RPA1: variants seen among roughly 807,000 people sequenced by gnomAD.
RPA1 encodes replication protein A1.
Under a neutral mutation model 83.0 loss-of-function variants are expected in RPA1, and 49 were observed. The observed-to-expected ratio is 0.59, with a 90% CI of 0.47 to 0.75. The LOEUF is 0.75. Ranked by LOEUF, RPA1 falls within the 30% of genes least tolerant of loss-of-function variation. The probability of loss-of-function intolerance (pLI) is 0.00; values close to 1 mark genes in which losing one functional copy is unlikely to be tolerated. For synonymous variants in RPA1, 279 were observed against 281.8 expected (o/e 0.99, Z 0.10); for missense variants, 693 against 776.1 (o/e 0.89, Z 1.27).
chr17:1,859,595 A>G (rs967683077), intron 5 of RPA1, among the ~76,000 whole-genome samples: 8 of 152,108 alleles, frequency 5.3e-5, no homozygotes, highest in Non-Finnish European at 1.2e-4. Flanking sequence ...CTGCTTTGAT[A>G]TTAGCATAGC....
chr17:1,879,530 ACCT>A (rs1365752074), intron 10 of RPA1, 27 bp from the exon 11 acceptor site: 8 of 1,613,776 alleles, frequency 5.0e-6, no homozygotes, highest in African/African-American at 1.3e-5. Flanking sequence ...AGTCTTGACC[ACCT>A]CCTGCTAACA....
In RPA1 at chr17:1,888,895, GGCCCTCCCGTGT is replaced by G. The variant is rs773333044; in HGVS notation, c.1551+48_1551+59del. ...TGAGAACCACGGTTGTGTTCACGGA[GGCCCTCCCGTGT>G]GCCAGGCACTGTGGTCACAACAGTA... On this transcript the variant is annotated intron_variant, in intron 14 of 16. Coordinates refer to ENST00000254719, the MANE Select transcript of RPA1 (RefSeq NM_002945.5). The G allele has an allele frequency of 2.5e-6, 4 of 1,582,032 alleles. No individual in the cohort carries two copies. The African/African-American group carries it at 5.4e-5, about 21-fold the overall frequency.
intron 5 of RPA1, among the ~76,000 whole-genome samples, chr17:1,864,725 G>A (rs887593958): frequency 1.8e-4 from 27 of 151,390 alleles, no homozygotes; most frequent in Non-Finnish European, 1.0e-4. Flanking sequence ...ATGGTGAAAC[G>A]CCGTCTCTAC....
rs1394194110 is a variant in RPA1, at chr17:1,888,782, G to T, written c.1482G>T (p.Gln494His). ...QDCNKKVIDQ[Q>H]NGLYRCEKCD... ...GCAATAAGAAAGTGATTGATCAACA[G>T]AATGGATTGTACCGCTGTGAGAAGT... The change falls in exon 14 of 17, where the codon CAG (glutamine) becomes CAT (histidine). Residue 494 changes from glutamine (Q) to histidine (H), a missense_variant. Transcript: ENST00000254719. 4 of 1,614,120 alleles carry T rather than the reference G, an allele frequency of 2.5e-6. No individual in the cohort carries two copies. The African/African-American group carries it at 4.0e-5, about 16-fold the overall frequency.
intron 1 of RPA1, among the ~76,000 whole-genome samples, chr17:1,838,547 G>A (rs1030833131): frequency 1.3e-5 from 2 of 150,016 alleles, no homozygotes; most frequent in Admixed American, 6.7e-5. Flanking sequence ...AGGTTGTGGT[G>A]AGCCAAGATC....
intron 14 of RPA1, among the ~76,000 whole-genome samples, chr17:1,891,447 CCTCT>C (rs1555596207): frequency 1.3e-4 from 20 of 151,586 alleles, no homozygotes; most frequent in Non-Finnish European, 4.4e-5. Flanking sequence ...ATCTGATGGG[CCTCT>C]CTCTGTCACC....
rs1403487427 is a variant in RPA1 at position 1,856,334 on chromosome 17, C to T, written c.361+3145C>T. On this transcript the variant is annotated intron_variant, in intron 5 of 16. Coordinates refer to ENST00000254719, the MANE Select transcript of RPA1 (RefSeq NM_002945.5). ...AAAAAATGCCAGGTGCTGTGGCTCA[C>T]GCCCATAATCCCAAAACTTTTGGGG... 2.0e-4 allele frequency among the ~76,000 whole-genome samples: 13 copies of T among 65,904 alleles called. No individual in the cohort carries two copies. In the East Asian group the frequency reaches 3.9e-3, roughly 20 times the overall value. 43.2% of individuals were successfully genotyped at this position (65,904 alleles called of 152,430 possible).
At chr17:1,855,342 T>A (rs1597432575) in intron 5 of RPA1, among the ~76,000 whole-genome samples, 1 of 147,168 alleles carries the variant, frequency 6.8e-6, no homozygotes, top group African/African-American at 2.7e-5. Context: ...TGTGTGTGTG[T>A]GTGTGTGTGT....
At chr17:1,868,250 G>A (rs1474541423) in intron 5 of RPA1, among the ~76,000 whole-genome samples, 1 of 152,220 alleles carries the variant, frequency 6.6e-6, no homozygotes, top group African/African-American at 2.4e-5. Context: ...AACCAGATCA[G>A]TGAGCCAGTG....
At position 1,888,640 on chromosome 17, in the gene RPA1, G is replaced by A. The variant is rs371642318; in HGVS notation, c.1375-35G>A. ...TCGGTCCGATCCTGGGCGGGCTCGC[G>A]ACTCCGTGCCTCATGCTGTTCTTTT... On this transcript the variant is annotated intron_variant, in intron 13 of 16. Transcript: ENST00000254719. 1.4e-3 allele frequency: 2,182 copies of A among 1,581,156 alleles called. 5 individuals are homozygous for A. Among genetic ancestry groups the A allele is most frequent in the Middle Eastern group, 2.8e-3 (13 of 4,698 alleles).
At chr17:1,845,876 T>C (rs1346297806) in intron 4 of RPA1, among the ~76,000 whole-genome samples, 1 of 152,112 alleles carries the variant, frequency 6.6e-6, no homozygotes, top group East Asian at 1.9e-4. Flanking sequence ...AAGGTTGCAG[T>C]GAGCTGAGAT....
At chr17:1,856,465 G>A (rs1309840672) in intron 5 of RPA1, among the ~76,000 whole-genome samples, 1 of 151,988 alleles carries the variant, frequency 6.6e-6, no homozygotes. Flanking sequence ...TAGGCGTGGT[G>A]GCACGCACCT....
chr17:1,884,013 G>A lies in RPA1; in HGVS notation c.1374+69G>A. On this transcript the variant is annotated intron_variant, in intron 13 of 16. Coordinates refer to ENST00000254719, the MANE Select transcript of RPA1 (RefSeq NM_002945.5). This position sits in a 1 kb window ranked among gnomAD's most constrained non-coding sequence, Gnocchi z 4.1. ...TGCAGAAGGATGGATTTAGAAACTTGGTTTCCAGCACCAGCTGTCAGAGCC... is the reference window on the plus strand; with the variant it reads ...TGCAGAAGGATGGATTTAGAAACTTAGTTTCCAGCACCAGCTGTCAGAGCC... 1 of 1,589,704 alleles carries A rather than the reference G, an allele frequency of 6.3e-7. No individual in the cohort carries two copies. The highest frequency in any genetic ancestry group is 1.1e-5 in the South Asian group (1 of 89,868).
rs184556138 is a variant in RPA1, at chr17:1,897,390, G to T, written c.*215G>T. 355 of 498,086 alleles carry T rather than the reference G, an allele frequency of 7.1e-4. 2 individuals carry two copies. Among genetic ancestry groups the T allele is most frequent in the African/African-American group, 6.6e-3 (332 of 50,200 alleles). 30.9% of individuals were successfully genotyped at this position (498,086 alleles called of 1,614,324 possible). On this transcript the variant is annotated 3_prime_UTR_variant, in exon 17 of 17. Coordinates refer to ENST00000254719, the MANE Select transcript of RPA1 (RefSeq NM_002945.5). ...TGGTGTAGACTGTGTCAGGCCTACG[G>T]AGTCAGCCAGTGGCTAGCGCAAGAC... is the stretch of plus-strand genomic sequence containing the variant.
intron 4 of RPA1, among the ~76,000 whole-genome samples, chr17:1,846,779 C>T (rs1451658765): frequency 2.0e-5 from 3 of 152,118 alleles, no homozygotes; most frequent in Non-Finnish European, 4.4e-5. Flanking sequence ...CTTTGATCTC[C>T]GCATAGGTCT....
rs184257818 is a variant in RPA1, at chr17:1,869,831, A to G, written c.362-2603A>G. On this transcript the variant is annotated intron_variant, in intron 5 of 16. Coordinates refer to ENST00000254719, the MANE Select transcript of RPA1 (RefSeq NM_002945.5). ...TGCAACATGTTGCTATGTAGAATGC[A>G]CCGGATTCTTGCCGTCCATTTGGCT... 1.2e-3 allele frequency among the ~76,000 whole-genome samples: 176 copies of G among 152,242 alleles called. 1 individual carries two copies. Among genetic ancestry groups the G allele is most frequent in the Admixed American group, 1.7e-3 (26 of 15,284 alleles).
Position 1,880,568 on chromosome 17 carries a change from A to C in RPA1, c.1118A>C (p.Gln373Pro). 4 of 1,614,080 alleles carry C rather than the reference A, an allele frequency of 2.5e-6. No homozygotes were observed. The highest frequency in any genetic ancestry group is 3.4e-6 in the Non-Finnish European group (4 of 1,180,000). ...GCTGATAAATTTGATGGTTCTAGAC[A>C]GCCCGTGTTGGCTATCAAAGGAGCC... ...EDADKFDGSR[Q>P]PVLAIKGARV... The change falls in exon 12 of 17, where the codon CAG becomes CCG. Residue 373 changes from glutamine to proline, a missense_variant. Gln to Pro is a moderately conservative substitution (Grantham distance 76). Coordinates refer to ENST00000254719, the MANE Select transcript of RPA1 (RefSeq NM_002945.5).
chr17:1,872,079 G>A (rs1478037249), intron 5 of RPA1: 5 of 259,800 alleles, frequency 1.9e-5, no homozygotes, highest in East Asian at 7.9e-5. Context: ...TGATGACATC[G>A]ATTTGTTGCT....
intron 5 of RPA1, among the ~76,000 whole-genome samples, chr17:1,861,010 G>T (rs1332998591): frequency 6.6e-6 from 1 of 152,146 alleles, no homozygotes; most frequent in East Asian, 1.9e-4. Flanking sequence ...CCATGAATAT[G>T]AATTTTTCCC....
Sources: allele counts gnomAD v4.1 joint callset (sites outside exome capture counted in the v4.1 genomes callset), GRCh38; gene constraint gnomAD v4.1.1; non-coding constraint Gnocchi (gnomAD v3.1); transcripts MANE v1.5; gene names NCBI Gene and HGNC (gene_info 2026-07-23, HGNC 2026-07-21).